CDK14: variants seen among roughly 807,000 people sequenced by gnomAD.
The protein encoded by CDK14 is cyclin-dependent kinase 14.
A neutral mutation model predicts 60.7 loss-of-function variants in CDK14; 34 were observed. That is an observed-to-expected ratio of 0.56 (90% CI 0.43 to 0.75). The LOEUF (loss-of-function observed/expected upper bound fraction) is 0.75, where lower values mean the gene tolerates loss of function less well. Ranked by LOEUF, CDK14 falls within the 30% of genes least tolerant of loss-of-function variation. The pLI is 0.00. For synonymous variants in CDK14, 197 were observed against 203.7 expected (o/e 0.97, Z 0.28); for missense variants, 482 against 564.1 (o/e 0.85, Z 1.47).
At chr7:90,743,366 A>G (rs1294017898) in intron 3 of CDK14, among the ~76,000 whole-genome samples, 7 of 152,164 alleles carry the variant, frequency 4.6e-5, no homozygotes, top group Non-Finnish European at 7.4e-5. Flanking sequence ...TTCTAATTTA[A>G]TTGCATTGTG....
chr7:91,141,998 TG>T (rs1194312905), intron 14 of CDK14, among the ~76,000 whole-genome samples: 1 of 152,112 alleles, frequency 6.6e-6, no homozygotes, highest in African/African-American at 2.4e-5. Context: ...GCTAAATTTT[TG>T]TATTTTTAGT....
rs189784176 is a variant in CDK14 at position 90,986,669 on chromosome 7, A to G, written c.1041+2428A>G. Among the ~76,000 whole-genome samples the G allele has an allele frequency of 5.9e-5, 9 of 152,126 alleles. No individual in the cohort carries two copies. The East Asian group carries it at 1.7e-3, about 29-fold the overall frequency. ...GTTCCATATATTTTGTATTGACAAA[A>G]ATGGCCAAGAGAGAACTTTAATGGG... On this transcript the variant is annotated intron_variant, in intron 10 of 14. Transcript: ENST00000380050.
intron 4 of CDK14, among the ~76,000 whole-genome samples, chr7:90,780,259 AGT>A (rs1392661506): frequency 6.6e-6 from 1 of 152,114 alleles, no homozygotes; most frequent in Non-Finnish European, 1.5e-5. Flanking sequence ...ACTGAGGTAC[AGT>A]GTATATGAAA....
chr7:90,721,282 A>T (rs1249291863), intron 2 of CDK14, among the ~76,000 whole-genome samples: 1 of 152,076 alleles, frequency 6.6e-6, no homozygotes, highest in East Asian at 1.9e-4. Flanking sequence ...TTCTTGGCTT[A>T]CTCACAGTTC....
chr7:91,039,690 C>T (rs890613005), intron 10 of CDK14, among the ~76,000 whole-genome samples: 3 of 152,124 alleles, frequency 2.0e-5, no homozygotes, highest in Non-Finnish European at 4.4e-5. Context: ...TTCCATCTGT[C>T]CTTGGCCACT....
At chr7:90,726,973 AT>A (rs1434647477) in intron 3 of CDK14, among the ~76,000 whole-genome samples, 161 bp downstream of exon 3, 13 of 152,158 alleles carry the variant, frequency 8.5e-5, no homozygotes, top group Non-Finnish European at 1.2e-4. Context: ...CAAACTATAT[AT>A]GGACTCCTTA....
chr7:91,174,417 A>T (rs1482978471), intron 14 of CDK14, among the ~76,000 whole-genome samples: 1 of 151,120 alleles, frequency 6.6e-6, no homozygotes, highest in East Asian at 1.9e-4. Flanking sequence ...CCTCCAAAGG[A>T]ACACAGTTCC....
At chr7:90,775,981 A>G (rs1805030117) in intron 4 of CDK14, among the ~76,000 whole-genome samples, 1 of 152,096 alleles carries the variant, frequency 6.6e-6, no homozygotes, top group African/African-American at 2.4e-5. Context: ...AGTAGGTTTC[A>G]AATCTCAGTA....
At chr7:90,809,384 C>T (rs1193495898) in intron 5 of CDK14, among the ~76,000 whole-genome samples, 4 of 152,038 alleles carry the variant, frequency 2.6e-5, no homozygotes, top group African/African-American at 4.8e-5. Context: ...GGGTACATAA[C>T]AAAATGAAGG....
chr7:90,991,770 C>T (rs1031207636), intron 10 of CDK14, among the ~76,000 whole-genome samples: 1 of 152,172 alleles, frequency 6.6e-6, no homozygotes, highest in African/African-American at 2.4e-5. Flanking sequence ...CATGGTTATT[C>T]AAAGGAGACC....
rs555041669 is a variant in CDK14, at chr7:91,126,797, C to T, written c.*28+8589C>T. 1.4e-4 allele frequency among the ~76,000 whole-genome samples: 11 copies of T among 77,434 alleles called. No homozygotes were observed. The East Asian group carries it at 2.4e-3, about 17-fold the overall frequency. The allele number at this position is 77,434 out of a possible 152,430, so 50.8% of individuals were successfully genotyped here. The stretch of plus-strand genomic sequence containing the variant: ...CTCATTAGGTAGCTGCAGAGGCAGC[C>T]GCTTGCCTACTCCCTCATTCTCTCA... On this transcript the variant is annotated intron_variant, in intron 14 of 14. Transcript: ENST00000380050.
chr7:91,107,235 TTTTACATCATTTCTGTA>T (rs1799329709), intron 12 of CDK14: 1 of 152,230 alleles, frequency 6.6e-6, no homozygotes. Context: ...TTACATTATT[TTTTACATCATTTCTGTA>T]TGCTTTATTC....
At chr7:90,780,257 A>C (rs1805251991) in intron 4 of CDK14, among the ~76,000 whole-genome samples, 1 of 152,132 alleles carries the variant, frequency 6.6e-6, no homozygotes, top group African/African-American at 2.4e-5. Flanking sequence ...ATACTGAGGT[A>C]CAGTGTATAT....
At chr7:90,800,287 A>T (rs1788589042) in intron 5 of CDK14, among the ~76,000 whole-genome samples, 1 of 152,326 alleles carries the variant, frequency 6.6e-6, no homozygotes, top group South Asian at 2.1e-4. Flanking sequence ...AAGGAAAAAG[A>T]ACAACTTCTT....
rs984178533 is a variant in CDK14, at chr7:90,764,661, CT to C, written c.464+16894del. Among the ~76,000 whole-genome samples the C allele has an allele frequency of 2.1e-3, 327 of 152,110 alleles. 1 individual carries two copies. Among genetic ancestry groups the C allele is most frequent in the Non-Finnish European group, 2.7e-3 (186 of 67,976 alleles). ...TATTTTAAAGATTTCAGGCGTAAGACTTTTTTTTATGCTTAATGGTTGATTC... is the reference window on the plus strand; with the variant it reads ...TATTTTAAAGATTTCAGGCGTAAGACTTTTTTTATGCTTAATGGTTGATTC... On this transcript the variant is annotated intron_variant, in intron 4 of 14. Transcript: ENST00000380050.
At chr7:91,152,955 A>G (rs752145089) in intron 14 of CDK14, among the ~76,000 whole-genome samples, 1 of 152,226 alleles carries the variant, frequency 6.6e-6, no homozygotes, top group Non-Finnish European at 1.5e-5. Context: ...AATAGTTTAT[A>G]GTATAAATAA....
At chr7:90,987,997 TTAA>T (rs1208281721) in intron 10 of CDK14, among the ~76,000 whole-genome samples, 1 of 152,192 alleles carries the variant, frequency 6.6e-6, no homozygotes, top group Non-Finnish European at 1.5e-5. Context: ...AGAAAGGTAG[TTAA>T]TAACTTTGAA....
chr7:90,756,418 C>T (rs1021518081), intron 4 of CDK14, among the ~76,000 whole-genome samples: 15 of 152,162 alleles, frequency 9.9e-5, no homozygotes, highest in African/African-American at 2.9e-4. Flanking sequence ...TTAAAAGTAC[C>T]TATAATCTTT....
At chr7:90,948,152 G>T (rs1259961248) in intron 8 of CDK14, among the ~76,000 whole-genome samples, 1 of 152,108 alleles carries the variant, frequency 6.6e-6, no homozygotes, top group African/African-American at 2.4e-5. Context: ...TAATAAATCA[G>T]CATCATTATG....
Sources: gnomAD v4.1 joint callset for allele counts (sites outside exome capture counted in the v4.1 genomes callset) on GRCh38, gnomAD v4.1.1 for gene constraint, MANE v1.5 for transcripts, NCBI Gene and HGNC (gene_info 2026-07-23, HGNC 2026-07-21) for gene names.